Variants in POLA1 observed in about 807,000 individuals in gnomAD.
POLA1 encodes the protein DNA polymerase alpha catalytic subunit.
In POLA1, 15 loss-of-function variants were observed where a neutral mutation model predicts 124.0. That is an observed-to-expected ratio of 0.12 (90% CI 0.08 to 0.19). The LOEUF (loss-of-function observed/expected upper bound fraction) is 0.19. Ranked by LOEUF, POLA1 falls within the 10% of genes least tolerant of loss-of-function variation. The probability of loss-of-function intolerance (pLI) is 1.00; values close to 1 mark genes in which losing one functional copy is unlikely to be tolerated. For missense variants in POLA1, 886 were observed against 1,103.4 expected, an observed-to-expected ratio of 0.80 and a Z score of 2.79; for synonymous variants, 408 against 389.4, an observed-to-expected ratio of 1.05 and a Z score of -0.56.
chrX:24,949,878 G>A (rs1169644094), intron 36 of POLA1, among the ~76,000 whole-genome samples: 3 of 109,261 alleles, frequency 2.7e-5, no homozygotes, highest in Non-Finnish European at 5.7e-5. Context: ...GGGATTACAG[G>A]TACACGCCAC....
intron 26 of POLA1, among the ~76,000 whole-genome samples, chrX:24,783,026 T>C (rs1222365850): frequency 3.7e-5 from 4 of 109,442 alleles, no homozygotes; most frequent in Non-Finnish European, 7.6e-5. Flanking sequence ...TGAGGTCTAA[T>C]AGAGACCCAA....
intron 35 of POLA1, among the ~76,000 whole-genome samples, chrX:24,925,645 C>T (rs1229580714): frequency 8.9e-6 from 1 of 112,456 alleles, no homozygotes; most frequent in African/African-American, 3.2e-5. Context: ...TATGACTCAG[C>T]ATTTCCCCTC....
intron 36 of POLA1, among the ~76,000 whole-genome samples, chrX:24,963,568 G>T: frequency 9.0e-6 from 1 of 111,682 alleles, no homozygotes; most frequent in Admixed American, 9.5e-5. Context: ...AAGAGATATT[G>T]CAGAATCAGT....
chrX:24,972,593 G>A (rs914370225), intron 36 of POLA1, among the ~76,000 whole-genome samples: 14 of 111,789 alleles, frequency 1.3e-4, no homozygotes, highest in African/African-American at 1.3e-4. Context: ...TCCAAGTCCC[G>A]GGAAAAGGCT....
intron 36 of POLA1, among the ~76,000 whole-genome samples, chrX:24,979,935 C>T (rs1335135263): frequency 9.0e-6 from 1 of 111,666 alleles, no homozygotes; most frequent in Non-Finnish European, 1.9e-5. Context: ...AAATTTTGCC[C>T]CTTGAGTTTG....
chrX:24,980,177 A>G (rs1264993145), intron 36 of POLA1, among the ~76,000 whole-genome samples: 1 of 111,236 alleles, frequency 9.0e-6, no homozygotes, highest in East Asian at 2.8e-4. Flanking sequence ...ACTTTGTAGA[A>G]CTCGTCAGGA....
intron 33 of POLA1, 37 bp from the exon 34 acceptor site, chrX:24,843,507 TCA>T: frequency 9.1e-7 from 1 of 1,096,404 alleles, no homozygotes; most frequent in Non-Finnish European, 1.2e-6. Flanking sequence ...TTTTATAGCC[TCA>T]CAGTAATTTT....
chrX:24,883,219 T>G lies in POLA1; in HGVS notation c.4048-4787T>G, dbSNP rs2047025433. ...TTTGGTTTTCACATGTTAAGTTGTT[T>G]AAGTTCCTTATAGATTCTGGACATT... On this transcript the variant is annotated intron_variant, in intron 34 of 36. Transcript: ENST00000379068. Among the ~76,000 whole-genome samples the G allele has an allele frequency of 2.7e-5, 3 of 112,359 alleles. No homozygotes were observed. The Admixed American group carries it at 2.8e-4, about 11-fold the overall frequency.
chrX:24,834,820 A>G (rs1469527543), intron 32 of POLA1, among the ~76,000 whole-genome samples: 1 of 110,744 alleles, frequency 9.0e-6, no homozygotes, highest in South Asian at 3.8e-4. Flanking sequence ...GTTATTATGG[A>G]AAAATGTATA....
chrX:24,761,902 G>A (rs1007748250), intron 26 of POLA1, among the ~76,000 whole-genome samples: 1 of 111,953 alleles, frequency 8.9e-6, no homozygotes, highest in Non-Finnish European at 1.9e-5. Flanking sequence ...TAGAGCTAGA[G>A]CTTGGGAAGC....
At chrX:24,724,948 A>G (rs1602285061) in intron 12 of POLA1, among the ~76,000 whole-genome samples, 1 of 111,917 alleles carries the variant, frequency 8.9e-6, no homozygotes, top group Non-Finnish European at 1.9e-5. Context: ...CGTGGGGGCT[A>G]TAGCCTGCTC....
intron 36 of POLA1, among the ~76,000 whole-genome samples, chrX:24,969,963 T>C (rs78712213): frequency 8.9e-6 from 1 of 112,498 alleles, no homozygotes; most frequent in Non-Finnish European, 1.9e-5. Context: ...AGATCGTGGC[T>C]TGCAACTCCA....
At chrX:24,721,367 C>G (rs1930190713) in intron 10 of POLA1, among the ~76,000 whole-genome samples, 1 of 111,981 alleles carries the variant, frequency 8.9e-6, no homozygotes, top group Admixed American at 9.5e-5. Context: ...AAGTTGTGTT[C>G]TCTCCTATGG....
intron 26 of POLA1, among the ~76,000 whole-genome samples, chrX:24,797,971 C>T (rs1264547469): frequency 9.1e-6 from 1 of 109,882 alleles, no homozygotes; most frequent in Non-Finnish European, 1.9e-5. Flanking sequence ...TTGCTTTAGC[C>T]CAGGAGGTCA....
At chrX:24,834,261 T>C (rs1310270370) in intron 32 of POLA1, among the ~76,000 whole-genome samples, 4 of 111,865 alleles carry the variant, frequency 3.6e-5, no homozygotes, top group Non-Finnish European at 5.6e-5. Context: ...TCATCAGGCT[T>C]TTTATTCTGT....
At chrX:24,704,339 A>G (rs374201610) in intron 3 of POLA1, 50 bp from the exon 4 acceptor site, 1 of 929,574 alleles carries the variant, frequency 1.1e-6, no homozygotes, top group African/African-American at 1.9e-5. Flanking sequence ...CTAAAATATT[A>G]TTGGCCACTT....
Position 24,887,098 on chromosome X carries a change from G to A in POLA1, c.4048-908G>A, listed in dbSNP as rs769320064. 4.5e-5 allele frequency among the ~76,000 whole-genome samples: 5 copies of A among 112,271 alleles called. No individual in the cohort carries two copies. The East Asian group carries it at 8.3e-4, about 19-fold the overall frequency. On this transcript the variant is annotated intron_variant, in intron 34 of 36. Transcript: ENST00000379068. ...GCCTCTGTGGCAATGCATGTAGCAC[G>A]AAAGCCCACAGACCTTGGTGCCTTA...
intron 34 of POLA1, among the ~76,000 whole-genome samples, chrX:24,887,037 C>T (rs2047073926): frequency 9.0e-6 from 1 of 111,593 alleles, no homozygotes; most frequent in Non-Finnish European, 1.9e-5. Context: ...ACCTTTATAC[C>T]CCAGCACCTC....
chrX:24,751,548 G>A (rs1475282112), intron 26 of POLA1, among the ~76,000 whole-genome samples: 1 of 111,644 alleles, frequency 9.0e-6, no homozygotes, highest in Non-Finnish European at 1.9e-5. Flanking sequence ...CTCAAATAAG[G>A]ATAAATAAAA....
Sources: allele counts gnomAD v4.1 joint callset (sites outside exome capture counted in the v4.1 genomes callset), GRCh38; gene constraint gnomAD v4.1.1; transcripts MANE v1.5; gene names NCBI Gene and HGNC (gene_info 2026-07-23, HGNC 2026-07-21).